The following FHIT variants were observed in gnomAD, a reference collection of about 807,000 sequenced individuals.
FHIT encodes fragile histidine triad diadenosine triphosphatase.
In FHIT, 19 loss-of-function variants were observed where a neutral mutation model predicts 17.9. The ratio of observed to expected loss-of-function variants is 1.06; its 90% CI spans 0.74 to 1.56. The LOEUF (loss-of-function observed/expected upper bound fraction) is 1.56, where lower values mean the gene tolerates loss of function less well. FHIT is among the 40% of genes most tolerant of loss of function. The pLI, the probability that FHIT is intolerant of heterozygous loss-of-function variation, is 0.00. For missense variants in FHIT, 248 were observed against 189.2 expected, an observed-to-expected ratio of 1.31 and a Z score of -1.82; for synonymous variants, 81 against 69.7, an observed-to-expected ratio of 1.16 and a Z score of -0.81.
At chr3:60,213,913 T>C (rs1703574918) in intron 5 of FHIT, among the ~76,000 whole-genome samples, 1 of 152,154 alleles carries the variant, frequency 6.6e-6, no homozygotes, top group Non-Finnish European at 1.5e-5. Flanking sequence ...AAGTCATAAA[T>C]GGAAAGCATT....
At position 61,083,946 on chromosome 3, in the gene FHIT, T is replaced by C. The variant is rs568079992; in HGVS notation, c.-163-41847A>G. Among the ~76,000 whole-genome samples, 6 of 152,096 alleles carry C rather than the reference T, an allele frequency of 3.9e-5. No homozygotes were observed. In the East Asian group the frequency reaches 1.2e-3, roughly 29 times the overall value. On this transcript the variant is annotated intron_variant, in intron 2 of 9. Transcript: ENST00000492590. ...TTGTTTCCACTTTGGGGCTATTAGA[T>C]GAAATGATGCTTGGATAGTGTTTTT... is the stretch of plus-strand genomic sequence containing the variant.
At chr3:60,468,426 T>TGG (rs1195156074) in intron 5 of FHIT, among the ~76,000 whole-genome samples, 1 of 152,140 alleles carries the variant, frequency 6.6e-6, no homozygotes, top group Non-Finnish European at 1.5e-5. Flanking sequence ...TCAAGTGATA[T>TGG]GTTTTTATTG....
intron 4 of FHIT, among the ~76,000 whole-genome samples, chr3:60,655,300 G>C (rs782531839): frequency 1.3e-5 from 2 of 152,082 alleles, no homozygotes; most frequent in Non-Finnish European, 2.9e-5. Flanking sequence ...TTTTAACTAC[G>C]TGCTTATTTT....
At chr3:59,765,477 C>A (rs988221786) in intron 8 of FHIT, among the ~76,000 whole-genome samples, 1 of 152,132 alleles carries the variant, frequency 6.6e-6, no homozygotes, top group African/African-American at 2.4e-5. Context: ...AGGTGGAGAT[C>A]AAAATTACCA....
chr3:60,990,381 T>G (rs2030078750), intron 3 of FHIT, among the ~76,000 whole-genome samples: 1 of 152,178 alleles, frequency 6.6e-6, no homozygotes, highest in South Asian at 2.1e-4. Flanking sequence ...CCCCACGCAT[T>G]GAGCAGAACA....
intron 2 of FHIT, among the ~76,000 whole-genome samples, chr3:61,189,496 T>C (rs562665523): frequency 9.0e-4 from 137 of 152,236 alleles, no homozygotes; most frequent in African/African-American, 3.1e-3. Flanking sequence ...ATGGTGAAAA[T>C]GGCCATACTG....
intron 5 of FHIT, among the ~76,000 whole-genome samples, chr3:60,136,211 G>A (rs1435770909): frequency 6.6e-6 from 1 of 152,076 alleles, no homozygotes; most frequent in Non-Finnish European, 1.5e-5. Context: ...CACAACACAA[G>A]GAGAGGAGAA....
chr3:59,983,500 A>T lies in FHIT; in HGVS notation c.279+27871T>A, dbSNP rs76733876. Among the ~76,000 whole-genome samples the T allele has an allele frequency of 2.3e-3, 351 of 152,298 alleles. 4 individuals carry two copies. The highest frequency in any genetic ancestry group is 7.9e-3 in the African/African-American group (330 of 41,576). On this transcript the variant is annotated intron_variant, in intron 7 of 9. Transcript: ENST00000492590. ...TAGTTGTACTATTTTATTAGTAGTA[A>T]TTGATCTCTTACTGTGTCTAATTTA...
intron 2 of FHIT, among the ~76,000 whole-genome samples, chr3:61,087,796 T>C (rs1420585103): frequency 6.6e-6 from 1 of 152,138 alleles, no homozygotes; most frequent in African/African-American, 2.4e-5. Context: ...GAGACTTCAT[T>C]TCTTTGATTT....
intron 4 of FHIT, among the ~76,000 whole-genome samples, chr3:60,540,042 A>G (rs2036134385): frequency 6.6e-6 from 1 of 152,012 alleles, no homozygotes; most frequent in Non-Finnish European, 1.5e-5. Context: ...CCACTCCTCA[A>G]TCTCCCAGGA....
In FHIT at chr3:59,952,115, A is replaced by G. The variant is rs911243004; in HGVS notation, c.280-29701T>C. ...GACTGAAAGTTCTTGGATTCCTTCT[A>G]TATCCAGTCAATTTCACTACCTTCT... On this transcript the variant is annotated intron_variant, in intron 7 of 9. Coordinates refer to ENST00000492590, the MANE Select transcript of FHIT (RefSeq NM_002012.4). Among the ~76,000 whole-genome samples the G allele has an allele frequency of 2.4e-4, 36 of 152,278 alleles. No homozygotes were observed. The Middle Eastern group carries it at 0.01, about 43-fold the overall frequency.
intron 5 of FHIT, among the ~76,000 whole-genome samples, chr3:60,060,764 TTTG>T: frequency 6.6e-6 from 1 of 152,308 alleles, no homozygotes; most frequent in African/African-American, 2.4e-5. Context: ...ATGGTTTTGG[TTTG>T]TTTTCTACTG....
intron 3 of FHIT, among the ~76,000 whole-genome samples, chr3:60,997,889 G>A (rs2030788915): frequency 6.6e-6 from 1 of 152,112 alleles, no homozygotes; most frequent in African/African-American, 2.4e-5. Context: ...ATTAGGCCAA[G>A]GAATAATATT....
intron 8 of FHIT, among the ~76,000 whole-genome samples, chr3:59,890,620 C>G (rs1703814528): frequency 6.6e-6 from 1 of 152,156 alleles, no homozygotes; most frequent in Non-Finnish European, 1.5e-5. Flanking sequence ...GCCAAACCAG[C>G]TTATGCATCT....
chr3:60,654,537 A>G (rs1553689118), intron 4 of FHIT, among the ~76,000 whole-genome samples: 1 of 149,340 alleles, frequency 6.7e-6, no homozygotes, highest in East Asian at 2.0e-4. Flanking sequence ...ATATACTCAG[A>G]AAAGGCAATA....
intron 4 of FHIT, among the ~76,000 whole-genome samples, chr3:60,750,072 A>G (rs1553716411): frequency 1.3e-5 from 2 of 152,146 alleles, no homozygotes; most frequent in African/African-American, 4.8e-5. Context: ...CAGAGATGGG[A>G]TCAAAGGCAT....
At chr3:60,921,005 A>C (rs1372536662) in intron 3 of FHIT, among the ~76,000 whole-genome samples, 1 of 152,208 alleles carries the variant, frequency 6.6e-6, no homozygotes, top group Non-Finnish European at 1.5e-5. Context: ...GTATAGGTTC[A>C]TTTGGTAACT....
intron 5 of FHIT, among the ~76,000 whole-genome samples, chr3:60,132,661 TTC>T (rs1201519297): frequency 6.6e-6 from 1 of 152,096 alleles, no homozygotes; most frequent in Non-Finnish European, 1.5e-5. Flanking sequence ...TGATAAGTAT[TTC>T]TGTGAGATTT....
intron 2 of FHIT, among the ~76,000 whole-genome samples, chr3:61,186,122 G>A (rs898904030): frequency 1.3e-5 from 2 of 152,292 alleles, no homozygotes; most frequent in East Asian, 1.9e-4. Context: ...TGTACACAAT[G>A]CCCTGTAGCG....
Sources: allele counts gnomAD v4.1 joint callset (sites outside exome capture counted in the v4.1 genomes callset), GRCh38; gene constraint gnomAD v4.1.1; transcripts MANE v1.5; gene names NCBI Gene and HGNC (gene_info 2026-07-23, HGNC 2026-07-21).